MUC6: variants seen among roughly 807,000 people sequenced by gnomAD.
MUC6 encodes the protein mucin 6, oligomeric mucus/gel-forming (gene/pseudogene).
Under a neutral mutation model 201.5 loss-of-function variants are expected in MUC6, and 188 were observed. That is an observed-to-expected ratio of 0.93 (90% CI 0.83 to 1.05). The LOEUF (loss-of-function observed/expected upper bound fraction) is 1.05. MUC6 is among the 50% of genes least tolerant of loss of function. MUC6 has a pLI of 0.00. For synonymous variants in MUC6, 1,228 were observed against 1,389.4 expected, an observed-to-expected ratio of 0.88 and a Z score of 2.58; for missense variants, 2,706 against 3,256.9, an observed-to-expected ratio of 0.83 and a Z score of 4.12.
intron 1 of MUC6, among the ~76,000 whole-genome samples, chr11:1,036,127 C>T (rs1857210743): frequency 6.6e-6 from 1 of 152,116 alleles, no homozygotes; most frequent in African/African-American, 2.4e-5. Context: ...ACGGCGGCCA[C>T]ACCAGGGGAG....
intron 23 of MUC6, 29 bp from the exon 24 acceptor site, chr11:1,025,112 AGGG>A (rs1856921759): frequency 6.2e-7 from 1 of 1,612,198 alleles, no homozygotes; most frequent in East Asian, 2.2e-5. Context: ...GGCCGGGCCC[AGGG>A]GCCGTGCCAT....
rs528925760 is a variant in MUC6, at chr11:1,028,208, G to T, written c.1753+18C>A. ...GCGCTGGGGGGGCAGCCAGGGGAGT[G>T]GGGGGCCGGACACTCACTGTTGAGC... On this transcript the variant is annotated intron_variant, in intron 14 of 32. Coordinates refer to ENST00000421673, the MANE Select transcript of MUC6 (RefSeq NM_005961.3). 34 of 1,554,668 alleles carry T rather than the reference G, an allele frequency of 2.2e-5. No homozygotes were observed. Among genetic ancestry groups the T allele is most frequent in the Non-Finnish European group, 2.8e-5 (32 of 1,148,842 alleles).
chr11:1,030,972 C>T lies in MUC6; in HGVS notation c.659G>A (p.Ser220Asn). The part of the protein sequence containing the change: ...GEICTFQDIP[S>N]THVRQAQHAR... Reference sequence around the variant, plus strand: ...GTGCTGGGCCTGCCGGACGTGGGTGCTGGGGATGTCCTGGAAGGTGCAGAT... The same window carrying T: ...GTGCTGGGCCTGCCGGACGTGGGTGTTGGGGATGTCCTGGAAGGTGCAGAT... Residue 220 changes from serine (S) to asparagine (N), a missense_variant, in exon 6 of 33, where the codon AGC becomes AAC. Physicochemically the swap from Ser to Asn is conservative, Grantham distance 46 (BLOSUM62 1). Around this residue, in one of 10 missense-constraint regions of MUC6, gnomAD observed 1,850 missense variants for 1,958.3 expected, o/e 0.94. Coordinates refer to ENST00000421673, the MANE Select transcript of MUC6 (RefSeq NM_005961.3). 1 of 1,583,614 alleles carries T rather than the reference C, an allele frequency of 6.3e-7. No homozygotes were observed. Among genetic ancestry groups the T allele is most frequent in the Non-Finnish European group, 8.6e-7 (1 of 1,165,466 alleles).
rs775324178 is a variant in MUC6 at position 1,027,292 on chromosome 11, G to T, written c.2207C>A (p.Ser736Tyr). The T allele has an allele frequency of 1.9e-5, 30 of 1,612,534 alleles. No homozygotes were observed. The highest frequency in any genetic ancestry group is 2.5e-5 in the Non-Finnish European group (30 of 1,179,836). ...EGYKFILAEQSTVINGITCHC... is the reference protein window; with the variant it reads ...EGYKFILAEQYTVINGITCHC... ...CCAGGTGATGCCGTTGATGACAGTGGACTGCTCGGCCAGGATGAACTTGTA... is the reference window on the plus strand; with the variant it reads ...CCAGGTGATGCCGTTGATGACAGTGTACTGCTCGGCCAGGATGAACTTGTA... Residue 736 changes from serine (S) to tyrosine (Y), a missense_variant, in exon 17 of 33, where the codon TCC becomes TAC. Around this residue, in one of 10 missense-constraint regions of MUC6, gnomAD observed 1,850 missense variants for 1,958.3 expected, o/e 0.94. Coordinates refer to ENST00000421673, the MANE Select transcript of MUC6 (RefSeq NM_005961.3).
chr11:1,016,238 G>A lies in MUC6; in HGVS notation c.6563C>T (p.Thr2188Met), dbSNP rs144680251. Residue 2188 changes from threonine to methionine, a missense_variant, in exon 31 of 33, where the codon ACG becomes ATG. Physicochemically the swap from Thr to Met is moderately conservative, Grantham distance 81. Transcript: ENST00000421673. Reference protein sequence around the residue: ...GSHSSLSTHPTTASVSASPLF... With the variant: ...GSHSSLSTHPMTASVSASPLF... Reference sequence around the variant, plus strand: ...AGGAGATGCAGACACTGATGCAGTCGTGGGATGAGTGGACAATGAGGAGTG... The same window carrying A: ...AGGAGATGCAGACACTGATGCAGTCATGGGATGAGTGGACAATGAGGAGTG... 227 of 1,613,252 alleles carry A rather than the reference G, an allele frequency of 1.4e-4. No individual in the cohort carries two copies. In the African/African-American group the frequency reaches 2.4e-3, roughly 17 times the overall value.
Position 1,031,001 on chromosome 11 carries a change from G to A in MUC6, c.630C>T (p.Gly210=), listed in dbSNP as rs1031674522. 1.2e-5 allele frequency: 19 copies of A among 1,583,484 alleles called. No homozygotes were observed. Among genetic ancestry groups the A allele is most frequent in the African/African-American group, 4.1e-5 (3 of 73,702 alleles). The change falls in exon 6 of 33, where the codon GGC becomes GGT. Residue 210 remains glycine, a synonymous_variant. Transcript: ENST00000421673. ...FAALQKLDDP[G]EICTFQDIPS... ...GGATGTCCTGGAAGGTGCAGATCTCGCCGGGGTCGTCCAGCTTCTGGAGGG... is the reference window on the plus strand; with the variant it reads ...GGATGTCCTGGAAGGTGCAGATCTCACCGGGGTCGTCCAGCTTCTGGAGGG...
chr11:1,017,458 AGG>A lies in MUC6; in HGVS notation c.5341_5342del (p.Pro1781CysfsTer129), dbSNP rs774477802. 16,403 of 1,494,236 alleles carry A rather than the reference AGG, an allele frequency of 0.011. No homozygotes were observed. The highest frequency in any genetic ancestry group is 0.026 in the Middle Eastern group (142 of 5,538). The allele number at this position is 1,494,236 out of a possible 1,614,324, so 92.6% of individuals were successfully genotyped here. ...TGGTGGCCGACGTGGTGTGGGCCAC[AGG>A]GGTTCTGGTGCCTGTACTGGTGTGG... ...PNHTSTGTRT[P>X]VAHTTSATSS... On this transcript the variant is annotated frameshift_variant, in exon 31 of 33. Coordinates refer to ENST00000421673, the MANE Select transcript of MUC6 (RefSeq NM_005961.3). LOFTEE classifies it high-confidence loss of function.
At chr11:1,023,832 C>G in intron 25 of MUC6, 115 bp downstream of exon 25, 1 of 1,461,618 alleles carries the variant, frequency 6.8e-7, no homozygotes, top group Non-Finnish European at 9.2e-7. Flanking sequence ...CCGCAGGGCA[C>G]AGCCCGGCGC....
chr11:1,029,274 G>C lies in MUC6; in HGVS notation c.1229C>G (p.Ala410Gly). The change falls in exon 10 of 33, where the codon GCC becomes GGC. Residue 410 changes from alanine to glycine, a missense_variant. Ala to Gly is a moderately conservative substitution (Grantham distance 60, BLOSUM62 0). Around this residue, in one of 10 missense-constraint regions of MUC6, gnomAD observed 1,850 missense variants for 1,958.3 expected, o/e 0.94. Coordinates refer to ENST00000421673, the MANE Select transcript of MUC6 (RefSeq NM_005961.3). ...GGTGCCGTGGAAGCGGTAGGGCCTG[G>C]CGTCAAATGTGGTAACAAAGGAGCC... ...EGGSFVTTFD[A>G]RPYRFHGTCT... The C allele has an allele frequency of 1.2e-6, 2 of 1,607,294 alleles. No individual in the cohort carries two copies. The highest frequency in any genetic ancestry group is 1.7e-6 in the Non-Finnish European group (2 of 1,177,856).
In MUC6 at chr11:1,029,584, G is replaced by A; in HGVS notation, c.1047C>T (p.His349=). 6.2e-7 allele frequency: 1 copy of A among 1,606,960 alleles called. No homozygotes were observed. Among genetic ancestry groups the A allele is most frequent in the Non-Finnish European group, 8.5e-7 (1 of 1,176,370 alleles). ...GGCACTGGGTGACGGGCACGCAGGTGTGGTTATTGGAGAGGTCATTCAGGA... is the reference window on the plus strand; with the variant it reads ...GGCACTGGGTGACGGGCACGCAGGTATGGTTATTGGAGAGGTCATTCAGGA... ...GTVLNDLSNN[H]TCVPVTQCPC... is the part of the protein sequence containing the mutation. Residue 349 remains histidine, a synonymous_variant, in exon 9 of 33, where the codon CAC becomes CAT. Transcript: ENST00000421673.
At chr11:1,032,878 T>G in intron 2 of MUC6, 135 bp downstream of exon 2, 1 of 680,578 alleles carries the variant, frequency 1.5e-6, no homozygotes, top group Non-Finnish European at 2.4e-6. Context: ...TGTATGTGCA[T>G]GTGTGTTCAT....
In MUC6 at chr11:1,023,957, C is replaced by A; in HGVS notation, c.3372G>T (p.Pro1124=). 1 of 1,612,336 alleles carries A rather than the reference C, an allele frequency of 6.2e-7. No individual in the cohort carries two copies. Among genetic ancestry groups the A allele is most frequent in the Non-Finnish European group, 8.5e-7 (1 of 1,179,548 alleles). The stretch of plus-strand genomic sequence containing the variant: ...GGGGTGGTCACTCACGGCAGAAGGC[C>A]GGGGTCCTCCAGTCCACGCACACAC... ...DKGVCVDWRT[P]AFCPIYCGFY... Residue 1124 remains proline (P), a synonymous_variant, in exon 25 of 33, where the codon CCG becomes CCT. Transcript: ENST00000421673.
Position 1,028,715 on chromosome 11 carries a change from C to T in MUC6, c.1522G>A (p.Val508Met), listed in dbSNP as rs369298699. The change falls in exon 13 of 33, where the codon GTG becomes ATG. Residue 508 changes from valine to methionine, a missense_variant. By Grantham distance (21) the Val-to-Met change is conservative. This residue lies in a region of MUC6 where 1,850 missense variants were observed against 1,958.3 expected (regional missense o/e 0.94). Coordinates refer to ENST00000421673, the MANE Select transcript of MUC6 (RefSeq NM_005961.3). The part of the protein sequence containing the change: ...QMATSFGLEL[V>M]VQLRPIFQAY... Reference sequence around the variant, plus strand: ...TGGAAGATGGGGCGCAGCTGGACCACGAGCTCCAGCCCGAAGCTGGTGGCC... The same window carrying T: ...TGGAAGATGGGGCGCAGCTGGACCATGAGCTCCAGCCCGAAGCTGGTGGCC... 13 of 1,611,958 alleles carry T rather than the reference C, an allele frequency of 8.1e-6. No individual in the cohort carries two copies. The highest frequency in any genetic ancestry group is 8.0e-5 in the African/African-American group (6 of 74,934).
rs377409555 is a variant in MUC6 at position 1,025,512 on chromosome 11, A to C, written c.2800-145T>G. 129 of 1,013,710 alleles carry C rather than the reference A, an allele frequency of 1.3e-4. 1 individual carries two copies. In the African/African-American group the frequency reaches 1.9e-3, roughly 15 times the overall value. 62.8% of individuals were successfully genotyped at this position (1,013,710 alleles called of 1,614,324 possible). Reference sequence around the variant, plus strand: ...CGCCTGCTGAGAGCCAGCTTGGGGCAGAAGGGCCTGGCATGCCTGGAACAG... The same window carrying C: ...CGCCTGCTGAGAGCCAGCTTGGGGCCGAAGGGCCTGGCATGCCTGGAACAG... On this transcript the variant is annotated intron_variant, in intron 22 of 32. Coordinates refer to ENST00000421673, the MANE Select transcript of MUC6 (RefSeq NM_005961.3).
intron 32 of MUC6, 100 bp from the exon 33 acceptor site, chr11:1,013,733 G>C (rs749415464): frequency 1.4e-6 from 2 of 1,423,684 alleles, no homozygotes; most frequent in East Asian, 2.5e-5. Context: ...GGACCTCCCC[G>C]CTGAGCTCCC....
intron 7 of MUC6, 52 bp from the exon 8 acceptor site, chr11:1,030,387 C>CCCCCCCCCCCCCCCCTTTTGGGGGGGGTT: frequency 6.9e-7 from 1 of 1,444,170 alleles, no homozygotes. Context: ...CCACCCCTCC[C>CCCCCCCCCCCCCCCCTTTTGGGGGGGGTT]TGCCCCACCC....
At position 1,024,369 on chromosome 11, in the gene MUC6, G is replaced by A. The variant is rs184882626; in HGVS notation, c.3226-266C>T. Reference sequence around the variant, plus strand: ...GCTGCCGCTAACCACGGCCACTGCAGTCCCACCCAGGGTCTCTGCTCCCCC... The same window carrying A: ...GCTGCCGCTAACCACGGCCACTGCAATCCCACCCAGGGTCTCTGCTCCCCC... On this transcript the variant is annotated intron_variant, in intron 24 of 32. Transcript: ENST00000421673. 4.1e-4 allele frequency among the ~76,000 whole-genome samples: 62 copies of A among 152,358 alleles called. No homozygotes were observed. In the South Asian group the frequency reaches 4.6e-3, roughly 11 times the overall value.
At chr11:1,032,316 CGT>C (rs1252409878) in intron 2 of MUC6, among the ~76,000 whole-genome samples, 3 of 151,848 alleles carry the variant, frequency 2.0e-5, no homozygotes, top group African/African-American at 7.3e-5. Flanking sequence ...CACGTATGTG[CGT>C]GTCTCGGGTG....
chr11:1,018,588 T>G lies in MUC6; in HGVS notation c.4213A>C (p.Thr1405Pro), dbSNP rs1481913933. ...TEYTTPQTPHTTHSPPTAGSP... is the reference protein window; with the variant it reads ...TEYTTPQTPHPTHSPPTAGSP... ...CCCGCCGTAGGCGGGGAGTGTGTGG[T>G]GTGTGGGGTTTGGGGCGTTGTGTAT... Residue 1405 changes from threonine to proline, a missense_variant, in exon 31 of 33, where the codon ACC becomes CCC. Thr to Pro is a conservative substitution (Grantham distance 38). This residue lies in a region of MUC6 where 1,850 missense variants were observed against 1,958.3 expected (regional missense o/e 0.94). Coordinates refer to ENST00000421673, the MANE Select transcript of MUC6 (RefSeq NM_005961.3). 10 of 1,612,648 alleles carry G rather than the reference T, an allele frequency of 6.2e-6. No homozygotes were observed. The Admixed American group carries it at 1.3e-4, about 22-fold the overall frequency.
Sources: allele counts gnomAD v4.1 joint callset (sites outside exome capture counted in the v4.1 genomes callset), GRCh38; gene constraint gnomAD v4.1.1; regional missense constraint gnomAD v4.1.1; transcripts MANE v1.5; gene names NCBI Gene and HGNC (gene_info 2026-07-23, HGNC 2026-07-21).